Variants in TRIM46 observed in about 807,000 individuals in gnomAD.
The protein encoded by TRIM46 is tripartite motif containing 46, also known as tripartite motif-containing protein 46.
A neutral mutation model predicts 69.7 loss-of-function variants in TRIM46; 17 were observed. The ratio of observed to expected loss-of-function variants is 0.24; its 90% confidence interval spans 0.17 to 0.37. The LOEUF is 0.37. Among genes scored for constraint, TRIM46 ranks in the 10% least tolerant of loss-of-function variants. The probability of loss-of-function intolerance (pLI) is 1.00; values close to 1 mark genes in which losing one functional copy is unlikely to be tolerated. For missense variants in TRIM46, 675 were observed against 1,025.1 expected, an observed-to-expected ratio of 0.66 and a Z score of 4.66; for synonymous variants, 391 against 429.0, an observed-to-expected ratio of 0.91 and a Z score of 1.09.
In TRIM46 at chr1:155,184,229, G is replaced by A. The variant is rs555729344; in HGVS notation, c.*39G>A. ...CTCATGCAGACCTGGGGTCCTCCTGGGCCCTGGCCCCCAAACCTCTTGGCA... is the reference window on the plus strand; with the variant it reads ...CTCATGCAGACCTGGGGTCCTCCTGAGCCCTGGCCCCCAAACCTCTTGGCA... On this transcript the variant is annotated 3_prime_UTR_variant, in exon 10 of 10. Transcript: ENST00000334634. This position sits in a 1 kb window ranked among gnomAD's most constrained non-coding sequence, Gnocchi z 5.6. The A allele has an allele frequency of 2.1e-5, 32 of 1,524,608 alleles. No homozygotes were observed. In the African/African-American group the frequency reaches 3.1e-4, roughly 15 times the overall value. 94.4% of individuals were successfully genotyped at this position (1,524,608 alleles called of 1,614,324 possible). A position where few individuals can be genotyped will look rare whatever the true frequency, so the allele number is the denominator to read the frequency against.
Position 155,179,649 on chromosome 1 carries a change from A to G in TRIM46, c.1303A>G (p.Ile435Val). 1 of 1,603,872 alleles carries G rather than the reference A, an allele frequency of 6.2e-7. No homozygotes were observed. The highest frequency in any genetic ancestry group is 8.5e-7 in the Non-Finnish European group (1 of 1,173,248). The change falls in exon 8 of 10, where the codon ATT becomes GTT. Residue 435 changes from isoleucine (I) to valine (V), a missense_variant. Coordinates refer to ENST00000334634, the MANE Select transcript of TRIM46 (RefSeq NM_025058.5). ...TCCAACAGTGCCTGAGGCCCCCGTC[A>G]TTGACACCCAGCGCACCTTTGCCTA... ...NFLRVPEAPV[I>V]DTQRTFAYDQ...
intron 9 of TRIM46, chr1:155,182,457 A>C: frequency 1.9e-6 from 1 of 531,382 alleles, no homozygotes; most frequent in Admixed American, 3.5e-5. Context: ...CTCTCCAAGC[A>C]TCTGTGTCCT....
At position 155,184,732 on chromosome 1, in the gene TRIM46, GTCCCTCTTC is replaced by G. The variant is rs1666419010; in HGVS notation, c.*551_*559del. On this transcript the variant is annotated 3_prime_UTR_variant, in exon 10 of 10. Transcript: ENST00000334634. This position sits in a 1 kb window ranked among gnomAD's most constrained non-coding sequence, Gnocchi z 5.6. ...CACCCCGCAGCCGCATGCCCCTTAT[GTCCCTCTTC>G]TCCCTCTTGCATGCTTTACCTGTCC... is the stretch of plus-strand genomic sequence containing the variant. 2 of 156,716 alleles carry G rather than the reference GTCCCTCTTC, an allele frequency of 1.3e-5. No homozygotes were observed. The highest frequency in any genetic ancestry group is 6.2e-5 in the Admixed American group (1 of 16,136). 9.7% of individuals were successfully genotyped at this position (156,716 alleles called of 1,614,324 possible). A position where few individuals can be genotyped will look rare whatever the true frequency, so the allele number is the denominator to read the frequency against.
Position 155,181,594 on chromosome 1 carries a change from A to G in TRIM46, c.1589-258A>G, listed in dbSNP as rs565235190. Among the ~76,000 whole-genome samples the G allele has an allele frequency of 1.3e-5, 2 of 152,314 alleles. No homozygotes were observed. Among genetic ancestry groups the G allele is most frequent in the East Asian group, 3.9e-4 (2 of 5,184 alleles). ...TTCGAGGGAGCCCCATGAGTCAGCC[A>G]GGTCCGGAGCACTGACTTCTGTGCC... is the stretch of plus-strand genomic sequence containing the variant. On this transcript the variant is annotated intron_variant, in intron 8 of 9. Coordinates refer to ENST00000334634, the MANE Select transcript of TRIM46 (RefSeq NM_025058.5). This position sits in a 1 kb window ranked among gnomAD's most constrained non-coding sequence, Gnocchi z 4.3.
chr1:155,174,650 T>C (rs1252031362), intron 1 of TRIM46: 2 of 1,512,428 alleles, frequency 1.3e-6, no homozygotes, highest in African/African-American at 1.4e-5. Flanking sequence ...AGGTGAGGTG[T>C]GGGGGTGGGG....
chr1:155,182,980 C>T (rs560505558), intron 9 of TRIM46: 4 of 144,620 alleles, frequency 2.8e-5, no homozygotes, highest in Non-Finnish European at 4.5e-5. Flanking sequence ...GCGCGATCTC[C>T]GCTCACTGCA....
intron 7 of TRIM46, 104 bp downstream of exon 7, chr1:155,178,717 G>A (rs1180127359): frequency 1.3e-6 from 2 of 1,539,590 alleles, no homozygotes; most frequent in Non-Finnish European, 8.7e-7. Context: ...CCGGCCTCCT[G>A]CCCGGCCTGG....
Position 155,177,200 on chromosome 1 carries a change from G to T in TRIM46, c.819G>T (p.Lys273Asn), listed in dbSNP as rs1398561445. 2 of 1,614,198 alleles carry T rather than the reference G, an allele frequency of 1.2e-6. No homozygotes were observed. The highest frequency in any genetic ancestry group is 1.7e-6 in the Non-Finnish European group (2 of 1,180,036). Reference sequence around the variant, plus strand: ...ACCTCTTTCTTCCCCCTCAGGACAAGCTGACAAAGAGCCTGACATACATCC... The same window carrying T: ...ACCTCTTTCTTCCCCCTCAGGACAATCTGACAAAGAGCCTGACATACATCC... ...VLSAYQALKD[K>N]LTKSLTYILG... Residue 273 changes from lysine to asparagine, a missense_variant, in exon 5 of 10, where the codon AAG (lysine) becomes AAT (asparagine). By Grantham distance (94) the Lys-to-Asn change is moderately conservative. Transcript: ENST00000334634.
intron 5 of TRIM46, among the ~76,000 whole-genome samples, 168 bp from the exon 6 acceptor site, chr1:155,177,834 G>T (rs1003934984): frequency 6.6e-6 from 1 of 152,204 alleles, no homozygotes; most frequent in Non-Finnish European, 1.5e-5. Context: ...CCATCTAGAG[G>T]TGCCTTTGCA....
At chr1:155,183,351 G>A (rs1002573608) in intron 9 of TRIM46, among the ~76,000 whole-genome samples, 1 of 134,452 alleles carries the variant, frequency 7.4e-6, no homozygotes, top group Non-Finnish European at 1.6e-5. Context: ...CCCCAACCCC[G>A]CATACCTCTA....
At position 155,173,990 on chromosome 1, in the gene TRIM46, G is replaced by C. The variant is rs1306513066; in HGVS notation, c.24G>C (p.Gln8His). ...CCATGGCAGAGGGTGAGGATATGCA[G>C]ACCTTCACTTCCATCATGGACGCAC... Reference protein sequence around the residue: MAEGEDMQTFTSIMDALV... With the variant: MAEGEDMHTFTSIMDALV... Residue 8 changes from glutamine (Q) to histidine (H), a missense_variant, in exon 1 of 10, where the codon CAG (glutamine) becomes CAC (histidine). Physicochemically the swap from Gln to His is conservative, Grantham distance 24 (BLOSUM62 0). Transcript: ENST00000334634. 1.3e-6 allele frequency: 2 copies of C among 1,575,114 alleles called. No individual in the cohort carries two copies. Among genetic ancestry groups the C allele is most frequent in the Non-Finnish European group, 8.6e-7 (1 of 1,161,240 alleles).
In TRIM46 at chr1:155,181,828, T is replaced by C. The variant is rs763324162; in HGVS notation, c.1589-24T>C. 1.3e-6 allele frequency: 2 copies of C among 1,595,240 alleles called. No individual in the cohort carries two copies. The highest frequency in any genetic ancestry group is 1.7e-5 in the Admixed American group (1 of 59,432). ...GTTTGTCCCTGAAGTTCTTGCTCCA[T>C]CTCAACCCTCTCCCTCCTTCCAGTC... On this transcript the variant is annotated intron_variant, in intron 8 of 9. Transcript: ENST00000334634. The surrounding 1 kb of genome is among the most constrained non-coding windows in gnomAD (Gnocchi z 4.3).
intron 7 of TRIM46, 142 bp downstream of exon 7, chr1:155,178,755 C>A: frequency 6.6e-7 from 1 of 1,505,148 alleles, no homozygotes; most frequent in Non-Finnish European, 8.9e-7. Flanking sequence ...CCAGCCCACC[C>A]TGCCACACCG....
Position 155,175,823 on chromosome 1 carries a change from A to T in TRIM46, c.326-65A>T. The T allele has an allele frequency of 6.3e-7, 1 of 1,578,854 alleles. No homozygotes were observed. Among genetic ancestry groups the T allele is most frequent in the Non-Finnish European group, 8.6e-7 (1 of 1,159,624 alleles). On this transcript the variant is annotated intron_variant, in intron 2 of 9. Coordinates refer to ENST00000334634, the MANE Select transcript of TRIM46 (RefSeq NM_025058.5). This position sits in a 1 kb window ranked among gnomAD's most constrained non-coding sequence, Gnocchi z 4.2. ...CACAATGAAAATCTAATTTAATTAA[A>T]CAGGCTTCCCCACACCCAGCCAGCT...
intron 7 of TRIM46, 126 bp downstream of exon 7, chr1:155,178,739 T>TTCCCCCCCCCCCCCCCCCCCCCCCCCCC: frequency 4.4e-6 from 6 of 1,348,454 alleles, no homozygotes; most frequent in Non-Finnish European, 6.1e-6. Flanking sequence ...CAGCCATTCC[T>TTCCCCCCCCCCCCCCCCCCCCCCCCCCC]CCCACCCAGC....
chr1:155,183,809 C>T lies in TRIM46; in HGVS notation c.1899C>T (p.Asp633=). 1 of 1,604,352 alleles carries T rather than the reference C, an allele frequency of 6.2e-7. No homozygotes were observed. Among genetic ancestry groups the T allele is most frequent in the South Asian group, 1.1e-5 (1 of 91,030 alleles). ...PDVISPRYDP[D]SGHDSGAEDA... Reference sequence around the variant, plus strand: ...CCCGCTTCTGCAGGTACGACCCGGACAGCGGGCACGACAGCGGTGCCGAGG... The same window carrying T: ...CCCGCTTCTGCAGGTACGACCCGGATAGCGGGCACGACAGCGGTGCCGAGG... The change falls in exon 10 of 10, where the codon GAC becomes GAT. Residue 633 remains aspartate (D), a synonymous_variant. Transcript: ENST00000334634.
At chr1:155,178,831 C>A (rs1287685515) in intron 7 of TRIM46, 1 of 1,462,720 alleles carries the variant, frequency 6.8e-7, no homozygotes, top group South Asian at 1.2e-5. Context: ...GCGGACTCTG[C>A]TCCGGAGCAC....
chr1:155,181,554 G>A lies in TRIM46; in HGVS notation c.1589-298G>A, dbSNP rs1445228940. On this transcript the variant is annotated intron_variant, in intron 8 of 9. Coordinates refer to ENST00000334634, the MANE Select transcript of TRIM46 (RefSeq NM_025058.5). The surrounding 1 kb of genome is among the most constrained non-coding windows in gnomAD (Gnocchi z 4.3). ...ATAGTGGGAACTGTCCATGGGGCTG[G>A]CCACAAGTAAGGGGTTCGAGGGAGC... Among the ~76,000 whole-genome samples the A allele has an allele frequency of 6.6e-6, 1 of 152,142 alleles. No homozygotes were observed. Among genetic ancestry groups the A allele is most frequent in the African/African-American group, 2.4e-5 (1 of 41,426 alleles).
At position 155,181,885 on chromosome 1, in the gene TRIM46, C is replaced by T. The variant is rs774716775; in HGVS notation, c.1622C>T (p.Ala541Val). The change falls in exon 9 of 10, where the codon GCA becomes GTA. Residue 541 changes from alanine to valine, a missense_variant. Ala to Val is a moderately conservative substitution (Grantham distance 64). Transcript: ENST00000334634. The surrounding 1 kb of genome is among the most constrained non-coding windows in gnomAD (Gnocchi z 4.3). ...TTCTTCCTCGATAGCCGCTGGGGCG[C>T]AAGCCGAGAGCGGCTGGCTATCAGC... ...LHFFLDSRWG[A>V]SRERLAISKD... 6.2e-6 allele frequency: 10 copies of T among 1,610,360 alleles called. No individual in the cohort carries two copies. The highest frequency in any genetic ancestry group is 8.5e-6 in the Non-Finnish European group (10 of 1,178,818).
Sources: gnomAD v4.1 joint callset for allele counts (sites outside exome capture counted in the v4.1 genomes callset) on GRCh38, gnomAD v4.1.1 for gene constraint, Gnocchi (gnomAD v3.1) non-coding constraint, MANE v1.5 for transcripts, NCBI Gene and HGNC (gene_info 2026-07-23, HGNC 2026-07-21) for gene names.